PFKM: variants seen among roughly 807,000 people sequenced by gnomAD.
PFKM encodes ATP-dependent 6-phosphofructokinase, muscle type.
A neutral mutation model predicts 95.5 loss-of-function variants in PFKM; 58 were observed. That is an observed-to-expected ratio of 0.61 (90% CI 0.49 to 0.76). The LOEUF (loss-of-function observed/expected upper bound fraction) is 0.76. PFKM is among the 30% of genes least tolerant of loss of function. The pLI is 0.00. For synonymous variants in PFKM, 336 were observed against 357.2 expected, an observed-to-expected ratio of 0.94 and a Z score of 0.67; for missense variants, 678 against 1,005.4, an observed-to-expected ratio of 0.67 and a Z score of 4.40.
Position 48,139,352 on chromosome 12 carries a change from G to A in PFKM, c.1127+3G>A. On this transcript the variant is annotated splice_donor_region_variant and intron_variant, in intron 12 of 22. Transcript: ENST00000359794. ...GAAGCCCTGAAGCTGAGAGGCCGGTGAGGAGATGACGGGAAGCTCACTAGC... is the reference window on the plus strand; with the variant it reads ...GAAGCCCTGAAGCTGAGAGGCCGGTAAGGAGATGACGGGAAGCTCACTAGC... The A allele has an allele frequency of 6.2e-7, 1 of 1,612,094 alleles. No homozygotes were observed. Among genetic ancestry groups the A allele is most frequent in the South Asian group, 1.1e-5 (1 of 91,034 alleles).
intron 1 of PFKM, chr12:48,107,352 T>A: frequency 6.5e-7 from 1 of 1,533,984 alleles, no homozygotes; most frequent in Non-Finnish European, 8.9e-7. Flanking sequence ...TTAAACTCTG[T>A]CTCTATTTCT....
At chr12:48,139,502 G>T in intron 12 of PFKM, 153 bp downstream of exon 12, 1 of 699,286 alleles carries the variant, frequency 1.4e-6, no homozygotes, top group East Asian at 2.7e-5. Flanking sequence ...AATTAGTTGT[G>T]AGGTGACTGG....
chr12:48,122,439 C>A, intron 1 of PFKM: 1 of 432,546 alleles, frequency 2.3e-6, no homozygotes, highest in Non-Finnish European at 3.6e-6. Flanking sequence ...AACTTTTTCT[C>A]CTCCCTTTCT....
rs1327992172 is a variant in PFKM at position 48,127,953 on chromosome 12, A to G, written c.86-2410A>G. 2.0e-5 allele frequency among the ~76,000 whole-genome samples: 3 copies of G among 152,224 alleles called. No homozygotes were observed. In the East Asian group the frequency reaches 5.8e-4, roughly 29 times the overall value. ...CTGATTAAACCCTGGCCTGTAGAAG[A>G]CAAGTCAAACTTCTCATGGCACATA... On this transcript the variant is annotated intron_variant, in intron 2 of 22. Transcript: ENST00000359794.
rs1432744769 is a variant in PFKM, at chr12:48,137,623, T to C, written c.937-98T>C. On this transcript the variant is annotated intron_variant, in intron 10 of 22. Transcript: ENST00000359794. ...CAGTTCTTAATTGTGAGACTCAGTC[T>C]TGTGATTTGGAAAAGGGCTCGAGTA... 4 of 1,418,876 alleles carry C rather than the reference T, an allele frequency of 2.8e-6. No individual in the cohort carries two copies. The African/African-American group carries it at 5.6e-5, about 20-fold the overall frequency. 87.9% of individuals were successfully genotyped at this position (1,418,876 alleles called of 1,614,324 possible). A position where few individuals can be genotyped will look rare whatever the true frequency, so the allele number is the denominator to read the frequency against.
intron 1 of PFKM, chr12:48,106,478 G>A (rs1031451615): frequency 1.8e-5 from 6 of 334,884 alleles, no homozygotes; most frequent in Non-Finnish European, 3.3e-5. Flanking sequence ...CGACAGATAG[G>A]GACCTGAGAT....
intron 2 of PFKM, among the ~76,000 whole-genome samples, chr12:48,129,210 CTTTTT>C (rs778761447): frequency 0.087 from 1,930 of 22,292 alleles, 98 homozygotes; most frequent in Middle Eastern, 0.23. Context: ...AATTTTCTTT[CTTTTT>C]TTTTTTTTTT....
chr12:48,143,636 G>C, intron 18 of PFKM, 117 bp from the exon 19 acceptor site: 1 of 804,466 alleles, frequency 1.2e-6, no homozygotes, highest in Admixed American at 1.8e-5. Context: ...GCCCAGGATT[G>C]TAAACAACTC....
rs1335503617 is a variant in PFKM, at chr12:48,141,642, A to T, written c.1413-98A>T. ...CGGCACAGGTCAAGAAATTAAAAAT[A>T]AAGTGCCTCTAACTCTAGCTTTTCT... is the stretch of plus-strand genomic sequence containing the variant. On this transcript the variant is annotated intron_variant, in intron 15 of 22. Coordinates refer to ENST00000359794, the MANE Select transcript of PFKM (RefSeq NM_000289.6). 3.1e-6 allele frequency: 3 copies of T among 954,432 alleles called. No individual in the cohort carries two copies. The East Asian group carries it at 7.2e-5, about 23-fold the overall frequency. 59.1% of individuals were successfully genotyped at this position (954,432 alleles called of 1,614,324 possible).
intron 2 of PFKM, among the ~76,000 whole-genome samples, chr12:48,124,252 A>G (rs1437469551): frequency 6.6e-6 from 1 of 152,240 alleles, no homozygotes; most frequent in African/African-American, 2.4e-5. Flanking sequence ...AATAGTGACC[A>G]GATTAGGAAT....
At chr12:48,134,633 C>T in intron 7 of PFKM, 88 bp from the exon 8 acceptor site, 1 of 983,388 alleles carries the variant, frequency 1.0e-6, no homozygotes, top group South Asian at 1.3e-5. Flanking sequence ...CTTTTATCAA[C>T]TATGAGGACT....
Position 48,137,440 on chromosome 12 carries a change from G to A in PFKM, c.937-281G>A, listed in dbSNP as rs1950200814. The A allele has an allele frequency of 1.4e-5, 7 of 492,786 alleles. No homozygotes were observed. The East Asian group carries it at 2.3e-4, about 16-fold the overall frequency. 30.5% of individuals were successfully genotyped at this position (492,786 alleles called of 1,614,324 possible). The stretch of plus-strand genomic sequence containing the variant: ...CTACCTTGTTTTGTCAATAAGAAGG[G>A]AATATTATTAAGCCCCAGTAATCCT... On this transcript the variant is annotated intron_variant, in intron 10 of 22. Transcript: ENST00000359794.
Position 48,133,915 on chromosome 12 carries a change from G to T in PFKM, c.594-317G>T, listed in dbSNP as rs200036442. 3.9e-5 allele frequency among the ~76,000 whole-genome samples: 6 copies of T among 152,134 alleles called. No individual in the cohort carries two copies. In the East Asian group the frequency reaches 9.6e-4, roughly 24 times the overall value. The stretch of plus-strand genomic sequence containing the variant: ...TAGAAGGGTAACAGTTTACCCCAGG[G>T]TAATCCTAAAGGATTCCAGTTAGTC... On this transcript the variant is annotated intron_variant, in intron 6 of 22. Coordinates refer to ENST00000359794, the MANE Select transcript of PFKM (RefSeq NM_000289.6).
intron 2 of PFKM, among the ~76,000 whole-genome samples, chr12:48,123,452 G>A (rs1185495677): frequency 3.3e-5 from 5 of 152,142 alleles, no homozygotes; most frequent in Admixed American, 1.3e-4. Context: ...CCCTTTTCTA[G>A]GTTGAATTTA....
intron 6 of PFKM, 112 bp downstream of exon 6, chr12:48,133,592 GT>G: frequency 1.1e-6 from 1 of 930,222 alleles, no homozygotes; most frequent in Admixed American, 1.9e-5. Context: ...ATAATGGCCA[GT>G]TTTCTGGGGC....
At position 48,135,368 on chromosome 12, in the gene PFKM, C is replaced by T. The variant is rs2135925089; in HGVS notation, c.921C>T (p.Ala307=). 1 of 1,613,386 alleles carries T rather than the reference C, an allele frequency of 6.2e-7. No individual in the cohort carries two copies. Among genetic ancestry groups the T allele is most frequent in the Middle Eastern group, 1.7e-4 (1 of 6,060 alleles). The stretch of plus-strand genomic sequence containing the variant: ...TGCAGAGGGGTGGGACGCCATCAGC[C>T]TTTGACAGAATTCTGGTAAGTCACT... ...GHVQRGGTPS[A]FDRILGSRMG... The change falls in exon 10 of 23, where the codon GCC becomes GCT. Residue 307 remains alanine (A), a synonymous_variant. Coordinates refer to ENST00000359794, the MANE Select transcript of PFKM (RefSeq NM_000289.6).
At chr12:48,114,093 C>T (rs574557314) in intron 3 of PFKM, among the ~76,000 whole-genome samples, 9 of 152,236 alleles carry the variant, frequency 5.9e-5, no homozygotes, top group Admixed American at 2.0e-4. Context: ...CATTGGGGAT[C>T]GCCTCAGGGA....
At chr12:48,134,880 A>T (rs1367571145) in intron 8 of PFKM, 51 bp downstream of exon 8, 1 of 1,589,342 alleles carries the variant, frequency 6.3e-7, no homozygotes, top group Admixed American at 1.7e-5. Context: ...TGTTCCACTG[A>T]TGATCTCTTT....
chr12:48,127,639 G>A (rs1948995776), intron 2 of PFKM, among the ~76,000 whole-genome samples: 1 of 152,062 alleles, frequency 6.6e-6, no homozygotes, highest in Non-Finnish European at 1.5e-5. Context: ...TTCTTTTCTA[G>A]GATGCCAGGT....
Sources: gnomAD v4.1 joint callset for allele counts (sites outside exome capture counted in the v4.1 genomes callset) on GRCh38, gnomAD v4.1.1 for gene constraint, MANE v1.5 for transcripts, NCBI Gene and HGNC (gene_info 2026-07-23, HGNC 2026-07-21) for gene names.